The following MAGI2 variants were observed in gnomAD, a reference collection of about 807,000 sequenced individuals.
MAGI2 encodes membrane associated guanylate kinase, WW and PDZ domain containing 2.
In MAGI2, 35 loss-of-function variants were observed where a neutral mutation model predicts 133.3. The observed-to-expected ratio is 0.26, with a 90% CI of 0.20 to 0.35. The LOEUF (loss-of-function observed/expected upper bound fraction) is 0.35. MAGI2 is among the 10% of genes least tolerant of loss of function. The pLI is 1.00. For synonymous variants in MAGI2, 729 were observed against 710.6 expected, an observed-to-expected ratio of 1.03 and a Z score of -0.41; for missense variants, 1,636 against 1,863.4, an observed-to-expected ratio of 0.88 and a Z score of 2.25.
intron 4 of MAGI2, among the ~76,000 whole-genome samples, chr7:78,504,128 T>C (rs536522679): frequency 9.8e-5 from 15 of 152,296 alleles, no homozygotes; most frequent in African/African-American, 3.6e-4. Context: ...TTTTAGACTT[T>C]ATCTTAGGAA....
At chr7:79,280,008 G>A (rs1018686184) in intron 1 of MAGI2, among the ~76,000 whole-genome samples, 2 of 152,086 alleles carry the variant, frequency 1.3e-5, no homozygotes, top group African/African-American at 4.8e-5. Flanking sequence ...CTAGGAGGAG[G>A]TCTTTTTTAT....
chr7:78,839,751 G>A (rs1190320738), intron 2 of MAGI2, among the ~76,000 whole-genome samples: 1 of 152,000 alleles, frequency 6.6e-6, no homozygotes, highest in Non-Finnish European at 1.5e-5. Context: ...TTTGGGTAGG[G>A]ACACAGAGCC....
intron 2 of MAGI2, among the ~76,000 whole-genome samples, chr7:78,942,068 T>C (rs904145451): frequency 6.6e-6 from 1 of 152,148 alleles, no homozygotes; most frequent in Non-Finnish European, 1.5e-5. Flanking sequence ...ATACCATATG[T>C]TGGTGGAAAG....
chr7:78,268,015 T>C (rs927877058), intron 9 of MAGI2, among the ~76,000 whole-genome samples: 2 of 152,170 alleles, frequency 1.3e-5, no homozygotes, highest in Non-Finnish European at 2.9e-5. Flanking sequence ...TGTACGACTA[T>C]TGAACATGTA....
At chr7:78,725,170 C>A (rs1271864859) in intron 2 of MAGI2, among the ~76,000 whole-genome samples, 1 of 152,134 alleles carries the variant, frequency 6.6e-6, no homozygotes, top group Non-Finnish European at 1.5e-5. Flanking sequence ...AGCTGGTTAA[C>A]AATTTACGTC....
At position 78,871,183 on chromosome 7, in the gene MAGI2, C is replaced by T. The variant is rs189956560; in HGVS notation, c.418+135907G>A. The stretch of plus-strand genomic sequence containing the variant: ...AAAACTAGCCGGGCGTGGTGGTGGG[C>T]GCCTGTAGTCCCAGCTACTCGGGAG... On this transcript the variant is annotated intron_variant, in intron 2 of 21. Transcript: ENST00000354212. Among the ~76,000 whole-genome samples, 275 of 152,040 alleles carry T rather than the reference C, an allele frequency of 1.8e-3. 5 individuals are homozygous for T. In the East Asian group the frequency reaches 0.04, roughly 22 times the overall value.
intron 2 of MAGI2, among the ~76,000 whole-genome samples, chr7:78,755,338 T>C (rs1360844091): frequency 2.0e-5 from 3 of 152,214 alleles, no homozygotes; most frequent in Non-Finnish European, 4.4e-5. Context: ...TTTGGAAACA[T>C]ACGTACTCGA....
chr7:79,282,606 G>A (rs1835736101), intron 1 of MAGI2, among the ~76,000 whole-genome samples: 1 of 152,026 alleles, frequency 6.6e-6, no homozygotes. Flanking sequence ...AACAAAAGAA[G>A]ACAAGGGAAT....
intron 1 of MAGI2, among the ~76,000 whole-genome samples, chr7:79,142,693 C>T (rs1822253409): frequency 6.6e-6 from 1 of 152,128 alleles, no homozygotes; most frequent in South Asian, 2.1e-4. Context: ...GTCCAGAGAC[C>T]TGAAGAGTCT....
intron 6 of MAGI2, among the ~76,000 whole-genome samples, chr7:78,399,064 T>G (rs951983033): frequency 6.6e-6 from 1 of 152,174 alleles, no homozygotes; most frequent in African/African-American, 2.4e-5. Context: ...TTAGAATTAA[T>G]GTGTCTAAAA....
At chr7:78,304,345 C>A (rs529715115) in intron 9 of MAGI2, among the ~76,000 whole-genome samples, 59 of 152,292 alleles carry the variant, frequency 3.9e-4, no homozygotes, top group African/African-American at 1.3e-3. Context: ...ATGCTCCTAC[C>A]TTTTCCTCTC....
chr7:78,592,959 C>A (rs1402080501), intron 3 of MAGI2, among the ~76,000 whole-genome samples: 1 of 148,918 alleles, frequency 6.7e-6, no homozygotes, highest in East Asian at 2.0e-4. Context: ...CTCAGCCTTG[C>A]GAGTAGCTGG....
chr7:78,090,400 G>T (rs1817070229), intron 20 of MAGI2, among the ~76,000 whole-genome samples: 1 of 152,124 alleles, frequency 6.6e-6, no homozygotes, highest in African/African-American at 2.4e-5. Context: ...AAACCTTGCA[G>T]TGGGGACAAA....
intron 3 of MAGI2, among the ~76,000 whole-genome samples, chr7:78,592,385 G>C (rs923946425): frequency 6.7e-6 from 1 of 149,764 alleles, no homozygotes; most frequent in African/African-American, 2.5e-5. Context: ...AATAGTGCAA[G>C]CTCTGTAGGC....
chr7:78,119,267 T>C (rs1305246089), intron 20 of MAGI2, among the ~76,000 whole-genome samples: 1 of 152,112 alleles, frequency 6.6e-6, no homozygotes, highest in Non-Finnish European at 1.5e-5. Context: ...ACCCATAGAA[T>C]GTACGACACC....
intron 6 of MAGI2, among the ~76,000 whole-genome samples, chr7:78,412,245 T>TGCA (rs1797935017): frequency 6.6e-6 from 1 of 152,036 alleles, no homozygotes; most frequent in African/African-American, 2.4e-5. Flanking sequence ...TGGCACTAGG[T>TGCA]GCAGGAGCTG....
intron 2 of MAGI2, among the ~76,000 whole-genome samples, chr7:78,691,949 A>G (rs1429096890): frequency 1.3e-5 from 2 of 152,180 alleles, no homozygotes; most frequent in Non-Finnish European, 2.9e-5. Flanking sequence ...ATTGTAACCA[A>G]TTACCACTCC....
chr7:79,453,501 A>G lies in MAGI2; in HGVS notation c.-181T>C. The G allele has an allele frequency of 1.4e-6, 2 of 1,408,146 alleles. No individual in the cohort carries two copies. The highest frequency in any genetic ancestry group is 1.6e-5 in the South Asian group (1 of 61,042). The allele number at this position is 1,408,146 out of a possible 1,614,324, so 87.2% of individuals were successfully genotyped here. A position where few individuals can be genotyped will look rare whatever the true frequency, so the allele number is the denominator to read the frequency against. The stretch of plus-strand genomic sequence containing the variant: ...GGAGTGTGGACGAGGAATGGGGAGG[A>G]TGAGAGGGACGGCTGGGCAGAGGTA... On this transcript the variant is annotated 5_prime_UTR_variant, in exon 1 of 22. Transcript: ENST00000354212.
chr7:78,499,246 C>T (rs1195143048), intron 5 of MAGI2, among the ~76,000 whole-genome samples: 1 of 152,192 alleles, frequency 6.6e-6, no homozygotes, highest in Non-Finnish European at 1.5e-5. Flanking sequence ...AGCTCCCATA[C>T]CTGGAATGCT....
Sources: gnomAD v4.1 joint callset for allele counts (sites outside exome capture counted in the v4.1 genomes callset) on GRCh38, gnomAD v4.1.1 for gene constraint, MANE v1.5 for transcripts, NCBI Gene and HGNC (gene_info 2026-07-23, HGNC 2026-07-21) for gene names.